OR4P4: variants seen among roughly 807,000 people sequenced by gnomAD.
The protein encoded by OR4P4 is olfactory receptor family 4 subfamily P member 4.
OR4P4 carries 1 observed loss-of-function variant against 2.1 expected under a neutral mutation model. The ratio of observed to expected loss-of-function variants is 0.47; its 90% confidence interval spans 0.17 to 2.21. OR4P4 has a LOEUF of 2.21. Among genes scored for constraint, OR4P4 ranks in the 30% most tolerant of loss-of-function variants. The pLI, the probability that OR4P4 is intolerant of heterozygous loss-of-function variation, is 0.27. For synonymous variants in OR4P4, 129 were observed against 133.2 expected (o/e 0.97, Z 0.22); for missense variants, 375 against 376.5 (o/e 1.00, Z 0.03).
chr11:55,636,167 G>A (rs1196671075), intron 1 of OR4P4, among the ~76,000 whole-genome samples: 1 of 137,880 alleles, frequency 7.3e-6, no homozygotes, highest in Non-Finnish European at 1.6e-5. Flanking sequence ...AAGTGGCAGT[G>A]TTAGGGTATA....
chr11:55,635,123 G>C lies in OR4P4; in HGVS notation c.-124G>C, dbSNP rs571925840. Reference sequence around the variant, plus strand: ...GAGAATGGAAAAAGAAACTCAAATTGCATAAACGGCAGATCTCAGTCATAA... The same window carrying C: ...GAGAATGGAAAAAGAAACTCAAATTCCATAAACGGCAGATCTCAGTCATAA... On this transcript the variant is annotated 5_prime_UTR_variant, in exon 1 of 2. Transcript: ENST00000641760. 178 of 137,250 alleles carry C rather than the reference G, an allele frequency of 1.3e-3. 17 individuals carry two copies. Among genetic ancestry groups the C allele is most frequent in the African/African-American group, 4.1e-3 (163 of 39,860 alleles). 8.5% of individuals were successfully genotyped at this position (137,250 alleles called of 1,614,324 possible). A position where few individuals can be genotyped will look rare whatever the true frequency, so the allele number is the denominator to read the frequency against.
rs1161384210 is a variant in OR4P4 at position 55,636,541 on chromosome 11, T to C, written c.-31+1325T>C. ...ACAGTCAGGATTAATGTTCAGTTTA[T>C]CCCGTGTGAGTTTTCTTACTTTCAC... On this transcript the variant is annotated intron_variant, in intron 1 of 1. Transcript: ENST00000641760. 2.2e-5 allele frequency among the ~76,000 whole-genome samples: 3 copies of C among 137,812 alleles called. 1 individual carries two copies. The highest frequency in any genetic ancestry group is 4.7e-4 in the South Asian group (2 of 4,236). 90.4% of individuals were successfully genotyped at this position (137,812 alleles called of 152,430 possible).
chr11:55,635,780 C>T (rs1858379768), intron 1 of OR4P4, among the ~76,000 whole-genome samples: 1 of 137,202 alleles, frequency 7.3e-6, no homozygotes, highest in East Asian at 2.4e-4. Context: ...ATTTTTTACT[C>T]CTGTGTTAAG....
At position 55,638,333 on chromosome 11, in the gene OR4P4, T is replaced by G. The variant is rs183138036; in HGVS notation, c.-25T>G. The G allele has an allele frequency of 2.1e-5, 22 of 1,024,760 alleles. 5 individuals are homozygous for G. In the East Asian group the frequency reaches 5.7e-4, roughly 26 times the overall value. 63.5% of individuals were successfully genotyped at this position (1,024,760 alleles called of 1,614,324 possible). ...TATAAATTATGTCATTTCAGGTGAC[T>G]TATATGTTCTATCTACACTGGACCA... is the stretch of plus-strand genomic sequence containing the variant. On this transcript the variant is annotated 5_prime_UTR_variant, in exon 2 of 2. Transcript: ENST00000641760.
intron 1 of OR4P4, among the ~76,000 whole-genome samples, chr11:55,635,544 G>T (rs1238377756): frequency 1.5e-5 from 2 of 137,134 alleles, no homozygotes; most frequent in Non-Finnish European, 3.3e-5. Context: ...GGGGAAAATA[G>T]AAAGTGAAAT....
At position 55,635,183 on chromosome 11, in the gene OR4P4, C is replaced by T. The variant is rs2120177715; in HGVS notation, c.-64C>T. 1.4e-5 allele frequency: 2 copies of T among 137,994 alleles called. 1 individual carries two copies. Among genetic ancestry groups the T allele is most frequent in the South Asian group, 4.7e-4 (2 of 4,286 alleles). 8.5% of individuals were successfully genotyped at this position (137,994 alleles called of 1,614,324 possible). ...TATTAAATAGGATTCAAGTTACATG[C>T]TCTGGTAACGTGGGTCTAAGAGGAT... On this transcript the variant is annotated 5_prime_UTR_variant, in exon 1 of 2. Transcript: ENST00000641760.
intron 1 of OR4P4, among the ~76,000 whole-genome samples, chr11:55,635,767 T>C (rs1858379617): frequency 1.5e-5 from 2 of 137,442 alleles, no homozygotes; most frequent in Non-Finnish European, 3.2e-5. Flanking sequence ...TTGTTGAAAA[T>C]ATATTTTTTA....
In OR4P4 at chr11:55,639,200, C is replaced by T. The variant is rs1254162159; in HGVS notation, c.843C>T (p.Asn281=). Residue 281 remains asparagine (N), a synonymous_variant, in exon 2 of 2, where the codon AAC becomes AAT. Coordinates refer to ENST00000641760, the Ensembl canonical transcript of OR4P4. ...ATACCATCATTGCTCCCATGTTCAA[C>T]CCTCTCATATACACGCTGAGAAACA... 14 of 1,488,336 alleles carry T rather than the reference C, an allele frequency of 9.4e-6. 3 individuals are homozygous for T. The highest frequency in any genetic ancestry group is 2.8e-5 in the African/African-American group (2 of 72,660). The allele number at this position is 1,488,336 out of a possible 1,614,324, so 92.2% of individuals were successfully genotyped here. A position where few individuals can be genotyped will look rare whatever the true frequency, so the allele number is the denominator to read the frequency against.
rs761193662 is a variant in OR4P4 at position 55,639,193 on chromosome 11, T to C, written c.836T>C (p.Met279Thr). The stretch of plus-strand genomic sequence containing the variant: ...CTTTTTTATACCATCATTGCTCCCA[T>C]GTTCAACCCTCTCATATACACGCTG... Residue 279 changes from methionine (M) to threonine (T), a missense_variant, in exon 2 of 2, where the codon ATG (methionine) becomes ACG (threonine). By Grantham distance (81) the Met-to-Thr change is moderately conservative. Transcript: ENST00000641760. 5 of 1,488,630 alleles carry C rather than the reference T, an allele frequency of 3.4e-6. 1 individual carries two copies. The Admixed American group carries it at 6.0e-5, about 18-fold the overall frequency. 92.2% of individuals were successfully genotyped at this position (1,488,630 alleles called of 1,614,324 possible).
rs1179736991 is a variant in OR4P4, at chr11:55,638,684, G to T, written c.327G>T (p.Glu109Asp). Reference sequence around the variant, plus strand: ...CCACCCATTTTTTTGGAGGCATAGAGATCTTCATTCTCACAGGGATGGCCT... The same window carrying T: ...CCACCCATTTTTTTGGAGGCATAGATATCTTCATTCTCACAGGGATGGCCT... The change falls in exon 2 of 2, where the codon GAG becomes GAT. Residue 109 changes from glutamate to aspartate, a missense_variant. Glu to Asp is a conservative substitution (Grantham distance 45). Transcript: ENST00000641760. 12 of 1,491,720 alleles carry T rather than the reference G, an allele frequency of 8.0e-6. 2 individuals are homozygous for T. The South Asian group carries it at 8.2e-5, about 10-fold the overall frequency. The allele number at this position is 1,491,720 out of a possible 1,614,324, so 92.4% of individuals were successfully genotyped here. A position where few individuals can be genotyped will look rare whatever the true frequency, so the allele number is the denominator to read the frequency against.
exon 2 of OR4P4, chr11:55,638,942 C>G (rs778036505): frequency 6.7e-7 from 1 of 1,484,578 alleles, no homozygotes; most frequent in South Asian, 1.2e-5. Flanking sequence ...TGATAGGTCT[C>G]TTAGTCATTG....
rs1424682146 is a variant in OR4P4, at chr11:55,636,281, G to A, written c.-31+1065G>A. On this transcript the variant is annotated intron_variant, in intron 1 of 1. Transcript: ENST00000641760. ...GAGAACAAAATATATCTTGCTTCCTGCAGAAATATGTGAGCTGTACTTTTG... is the reference window on the plus strand; with the variant it reads ...GAGAACAAAATATATCTTGCTTCCTACAGAAATATGTGAGCTGTACTTTTG... 1.5e-5 allele frequency among the ~76,000 whole-genome samples: 2 copies of A among 137,818 alleles called. 1 individual carries two copies. The highest frequency in any genetic ancestry group is 4.7e-4 in the South Asian group (2 of 4,220). The allele number at this position is 137,818 out of a possible 152,430, so 90.4% of individuals were successfully genotyped here. A position where few individuals can be genotyped will look rare whatever the true frequency, so the allele number is the denominator to read the frequency against.
chr11:55,636,956 T>A lies in OR4P4; in HGVS notation c.-30-1372T>A, dbSNP rs144956036. Among the ~76,000 whole-genome samples, 251 of 137,506 alleles carry A rather than the reference T, an allele frequency of 1.8e-3. 24 individuals are homozygous for A. The highest frequency in any genetic ancestry group is 6.2e-3 in the African/African-American group (246 of 39,934). 90.2% of individuals were successfully genotyped at this position (137,506 alleles called of 152,430 possible). ...ACAAGTAACGGGGATTGCCTCCAAA[T>A]TATAAAGCATGATTAGATTTTTACT... On this transcript the variant is annotated intron_variant, in intron 1 of 1. Transcript: ENST00000641760.
chr11:55,639,507 G>T, exon 2 of OR4P4: 1 of 378,548 alleles, frequency 2.6e-6, no homozygotes, highest in Non-Finnish European at 4.6e-6. Context: ...TTACGATTGT[G>T]CTTATGTGAC....
chr11:55,636,566 C>T (rs751940006), intron 1 of OR4P4, among the ~76,000 whole-genome samples: 1 of 137,414 alleles, frequency 7.3e-6, no homozygotes, highest in Non-Finnish European at 1.6e-5. Context: ...CTTACTTTCA[C>T]ATGGACATAT....
chr11:55,638,457 A>T, exon 2 of OR4P4: 1 of 1,467,618 alleles, frequency 6.8e-7, no homozygotes, highest in South Asian at 1.2e-5. Context: ...GTTTTGCTAC[A>T]TTGCTATTTG....
chr11:55,638,913 G>A (rs758738532), exon 2 of OR4P4: 5 of 1,490,980 alleles, frequency 3.4e-6, no homozygotes, highest in Non-Finnish European at 4.6e-6. Flanking sequence ...GCTGAAATTG[G>A]CCTGTTCTAA....
chr11:55,636,275 C>T (rs1469305851), intron 1 of OR4P4, among the ~76,000 whole-genome samples: 2 of 137,906 alleles, frequency 1.5e-5, no homozygotes, highest in African/African-American at 5.0e-5. Context: ...ATATATCTTG[C>T]TTCCTGCAGA....
In OR4P4 at chr11:55,636,407, A is replaced by G. The variant is rs1332128820; in HGVS notation, c.-31+1191A>G. On this transcript the variant is annotated intron_variant, in intron 1 of 1. Transcript: ENST00000641760. ...TTTATAGTTCTATATTTCAACTTAG[A>G]CATTTTCCATTTAAGTATCACTGTC... Among the ~76,000 whole-genome samples the G allele has an allele frequency of 1.2e-4, 17 of 138,202 alleles. 1 individual carries two copies. The highest frequency in any genetic ancestry group is 4.0e-4 in the African/African-American group (16 of 40,060). The allele number at this position is 138,202 out of a possible 152,430, so 90.7% of individuals were successfully genotyped here.
Sources: gnomAD v4.1 joint callset for allele counts (sites outside exome capture counted in the v4.1 genomes callset) on GRCh38, gnomAD v4.1.1 for gene constraint, MANE v1.5 for transcripts, NCBI Gene and HGNC (gene_info 2026-07-23, HGNC 2026-07-21) for gene names.